TANC2: variants seen among roughly 807,000 people sequenced by gnomAD.
TANC2 encodes tetratricopeptide repeat, ankyrin repeat and coiled-coil containing 2.
Under a neutral mutation model 210.5 loss-of-function variants are expected in TANC2, and 26 were observed. The ratio of observed to expected loss-of-function variants is 0.12; its 90% CI spans 0.09 to 0.17. The LOEUF is 0.17. TANC2 is among the 10% of genes least tolerant of loss of function. The probability of loss-of-function intolerance (pLI) is 1.00; values close to 1 mark genes in which losing one functional copy is unlikely to be tolerated. For synonymous variants in TANC2, 931 were observed against 967.1 expected (o/e 0.96, Z 0.69); for missense variants, 2,129 against 2,608.9 (o/e 0.82, Z 4.01).
chr17:63,105,801 TA>T (rs969838228), intron 4 of TANC2, among the ~76,000 whole-genome samples: 1 of 151,652 alleles, frequency 6.6e-6, no homozygotes, highest in African/African-American at 2.4e-5. Context: ...AGCATACTTA[TA>T]ATACTGTGGC....
chr17:63,150,352 T>A (rs2039605396), intron 4 of TANC2: 1 of 152,220 alleles, frequency 6.6e-6, no homozygotes, highest in Non-Finnish European at 1.5e-5. Flanking sequence ...TGAAAGCACC[T>A]AAGCAATCCT....
intron 7 of TANC2, among the ~76,000 whole-genome samples, chr17:63,205,133 C>T (rs1420113247): frequency 6.6e-6 from 1 of 151,792 alleles, no homozygotes; most frequent in African/African-American, 2.4e-5. Flanking sequence ...TAAACTCTTG[C>T]ATATATGGTC....
At chr17:63,237,234 AT>A (rs1275282399) in intron 7 of TANC2, among the ~76,000 whole-genome samples, 2 of 151,714 alleles carry the variant, frequency 1.3e-5, no homozygotes, top group Admixed American at 6.6e-5. Flanking sequence ...TAATATTGAG[AT>A]TTTTTTCATG....
chr17:63,063,345 C>T (rs2036063326), intron 2 of TANC2, among the ~76,000 whole-genome samples: 1 of 152,182 alleles, frequency 6.6e-6, no homozygotes, highest in Non-Finnish European at 1.5e-5. Flanking sequence ...TAGTCCTTCT[C>T]TCCTTCCAGG....
intron 11 of TANC2, among the ~76,000 whole-genome samples, chr17:63,335,839 G>A (rs2046008582): frequency 6.6e-6 from 1 of 152,108 alleles, no homozygotes; most frequent in Non-Finnish European, 1.5e-5. Context: ...GGTTATGTAA[G>A]ATGTTAATAA....
chr17:63,153,474 C>T (rs2039727881), intron 5 of TANC2: 5 of 152,266 alleles, frequency 3.3e-5, no homozygotes, highest in Admixed American at 2.6e-4. Flanking sequence ...CAAACTTTAA[C>T]TTACTTCAGA....
At chr17:63,364,161 G>A (rs1008692327) in intron 14 of TANC2, among the ~76,000 whole-genome samples, 3 of 152,084 alleles carry the variant, frequency 2.0e-5, no homozygotes, top group South Asian at 2.1e-4. Flanking sequence ...TATGACAAAC[G>A]GGAGGAATTA....
At chr17:63,369,849 C>T (rs933557152) in intron 14 of TANC2, among the ~76,000 whole-genome samples, 5 of 151,998 alleles carry the variant, frequency 3.3e-5, no homozygotes, top group Admixed American at 2.0e-4. Context: ...GTGATCTGCT[C>T]GCCTCAGCCT....
chr17:63,285,301 G>T (rs908319681), intron 9 of TANC2, among the ~76,000 whole-genome samples: 3 of 151,422 alleles, frequency 2.0e-5, no homozygotes, highest in African/African-American at 4.9e-5. Flanking sequence ...TTCTCATCCT[G>T]CTTTTCTCTA....
At chr17:63,399,084 C>A (rs1214039805) in intron 19 of TANC2, 170 bp downstream of exon 19, 1 of 440,456 alleles carries the variant, frequency 2.3e-6, no homozygotes. Context: ...CTCTTTCAAT[C>A]CTCTTTGCCT....
rs1261169365 is a variant in TANC2, at chr17:63,323,768, A to G, written c.1575+4678A>G. Among the ~76,000 whole-genome samples the G allele has an allele frequency of 2.6e-5, 4 of 152,206 alleles. No homozygotes were observed. The East Asian group carries it at 5.8e-4, about 22-fold the overall frequency. ...AGTGACTTCAGTGATTAATTTTTTC[A>G]AAGTCATACTGTTAATAAATAACGA... On this transcript the variant is annotated intron_variant, in intron 11 of 27. Coordinates refer to ENST00000689528, the Ensembl canonical transcript of TANC2.
chr17:63,328,147 A>G (rs1366268813), intron 11 of TANC2, among the ~76,000 whole-genome samples: 2 of 152,210 alleles, frequency 1.3e-5, no homozygotes, highest in African/African-American at 4.8e-5. Flanking sequence ...TTGAGTACAC[A>G]TGGACACAAG....
intron 7 of TANC2, among the ~76,000 whole-genome samples, chr17:63,202,757 T>C (rs2041577193): frequency 6.6e-6 from 1 of 152,170 alleles, no homozygotes; most frequent in Admixed American, 6.5e-5. Flanking sequence ...CCTCTCAGTT[T>C]ATTACTTTTC....
In TANC2 at chr17:63,034,378, G is replaced by T. The variant is rs117622591; in HGVS notation, c.67+24752G>T. On this transcript the variant is annotated intron_variant, in intron 2 of 27. Coordinates refer to ENST00000689528, the Ensembl canonical transcript of TANC2. ...GCTTACTAAATATTTTAGGCCCACC[G>T]TTGAGATCTACTGCACAGTGCTCTG... Among the ~76,000 whole-genome samples, 3 of 152,138 alleles carry T rather than the reference G, an allele frequency of 2.0e-5. No individual in the cohort carries two copies. In the East Asian group the frequency reaches 5.8e-4, roughly 29 times the overall value.
chr17:63,088,793 G>A (rs188252232), intron 3 of TANC2: 1 of 152,290 alleles, frequency 6.6e-6, no homozygotes, highest in African/African-American at 2.4e-5. Flanking sequence ...ATACTGTCCT[G>A]CTCTAAAATT....
chr17:63,124,808 G>C (rs985332220), intron 4 of TANC2, among the ~76,000 whole-genome samples: 4 of 152,182 alleles, frequency 2.6e-5, no homozygotes, highest in Admixed American at 6.5e-5. Flanking sequence ...TCTCACAGGA[G>C]CATGAACCCT....
At chr17:63,395,714 C>A in intron 17 of TANC2, 29 bp from the exon 18 acceptor site, 1 of 1,605,556 alleles carries the variant, frequency 6.2e-7, no homozygotes, top group South Asian at 1.1e-5. Flanking sequence ...AGTCTGTGTT[C>A]ACACATATCT....
At chr17:63,059,873 C>G (rs2035933710) in intron 2 of TANC2, among the ~76,000 whole-genome samples, 1 of 152,020 alleles carries the variant, frequency 6.6e-6, no homozygotes, top group African/African-American at 2.4e-5. Flanking sequence ...TTTAAGAAGT[C>G]CGGGTTTCTT....
In TANC2 at chr17:63,141,379, T is replaced by TAAAAAAAAAA. The variant is rs71155970; in HGVS notation, c.323-9862_323-9853dup. On this transcript the variant is annotated intron_variant, in intron 4 of 27. Transcript: ENST00000689528. The stretch of plus-strand genomic sequence containing the variant: ...CAACATGCTAAAACCCCGTTTCTAC[T>TAAAAAAAAAA]AAAAAAAAAAAAAAAAAAAAAAAAA... 5.0e-4 allele frequency among the ~76,000 whole-genome samples: 11 copies of TAAAAAAAAAA among 21,876 alleles called. 2 individuals carry two copies. Among genetic ancestry groups the TAAAAAAAAAA allele is most frequent in the Non-Finnish European group, 8.3e-4 (10 of 12,084 alleles). 14.4% of individuals were successfully genotyped at this position (21,876 alleles called of 152,430 possible).
Sources: gnomAD v4.1 joint callset for allele counts (sites outside exome capture counted in the v4.1 genomes callset) on GRCh38, gnomAD v4.1.1 for gene constraint, MANE v1.5 for transcripts, NCBI Gene and HGNC (gene_info 2026-07-23, HGNC 2026-07-21) for gene names.